HSPA12A: variants seen among roughly 807,000 people sequenced by gnomAD.
The protein encoded by HSPA12A is heat shock protein family A (Hsp70) member 12A.
A neutral mutation model predicts 69.2 loss-of-function variants in HSPA12A; 28 were observed. The ratio of observed to expected loss-of-function variants is 0.40; its 90% CI spans 0.30 to 0.55. HSPA12A has a LOEUF of 0.55. HSPA12A is among the 20% of genes least tolerant of loss of function. HSPA12A has a pLI of 0.38. For synonymous variants in HSPA12A, 345 were observed against 370.5 expected (o/e 0.93, Z 0.79); for missense variants, 686 against 900.7 (o/e 0.76, Z 3.05).
chr10:116,848,538 T>C (rs1564839971), intron 1 of HSPA12A, among the ~76,000 whole-genome samples: 1 of 152,040 alleles, frequency 6.6e-6, no homozygotes, highest in Admixed American at 6.6e-5. Flanking sequence ...TCTGCTTAGG[T>C]AGGAAACATA....
rs544698806 is a variant in HSPA12A, at chr10:116,675,742, G to A, written c.1391-324C>T. Among the ~76,000 whole-genome samples, 30 of 152,314 alleles carry A rather than the reference G, an allele frequency of 2.0e-4. No homozygotes were observed. The highest frequency in any genetic ancestry group is 7.2e-4 in the African/African-American group (30 of 41,582). Reference sequence around the variant, plus strand: ...CTCTCCAAACCTGTGGTTCTGTTGGGTAAGTCAAGGCAGGTTGTTATAAAT... The same window carrying A: ...CTCTCCAAACCTGTGGTTCTGTTGGATAAGTCAAGGCAGGTTGTTATAAAT... On this transcript the variant is annotated intron_variant, in intron 11 of 11. Transcript: ENST00000369209. This position sits in a 1 kb window ranked among gnomAD's most constrained non-coding sequence, Gnocchi z 5.2.
Position 116,849,478 on chromosome 10 carries a change from G to C in HSPA12A, c.3+88C>G, listed in dbSNP as rs1036462084. The C allele has an allele frequency of 6.3e-6, 9 of 1,419,350 alleles. No individual in the cohort carries two copies. The African/African-American group carries it at 1.2e-4, about 18-fold the overall frequency. The allele number at this position is 1,419,350 out of a possible 1,614,324, so 87.9% of individuals were successfully genotyped here. ...GGCCTGGAAGCCACGCGAGATCTGG[G>C]GGTCGGGATCACGTTGCGTTGCCTA... On this transcript the variant is annotated intron_variant, in intron 1 of 12. Coordinates refer to the HSPA12A transcript ENST00000635765.
At chr10:116,681,031 C>T in intron 9 of HSPA12A, 121 bp downstream of exon 9, 2 of 682,154 alleles carry the variant, frequency 2.9e-6, no homozygotes, top group Non-Finnish European at 5.3e-6. Flanking sequence ...CCTCCACCGC[C>T]TACGATCCCA....
chr10:116,837,606 A>G (rs1214850732), intron 1 of HSPA12A, among the ~76,000 whole-genome samples: 3 of 152,168 alleles, frequency 2.0e-5, no homozygotes, highest in Non-Finnish European at 4.4e-5. Flanking sequence ...TACAACTTCC[A>G]TAGCTGAACA....
intron 7 of HSPA12A, 29 bp downstream of exon 7, chr10:116,683,762 C>T (rs1554879040): frequency 1.0e-5 from 15 of 1,482,788 alleles, no homozygotes; most frequent in Non-Finnish European, 1.4e-5. Flanking sequence ...GGAAGGAGAG[C>T]AGGAGGGGGA....
chr10:116,741,002 G>A (rs1554887051), intron 1 of HSPA12A, among the ~76,000 whole-genome samples: 1 of 148,830 alleles, frequency 6.7e-6, no homozygotes, highest in South Asian at 2.1e-4. Context: ...CAATCCAGTT[G>A]CTGAGTGATG....
At chr10:116,724,241 A>T (rs934433542) in intron 1 of HSPA12A, among the ~76,000 whole-genome samples, 3 of 152,158 alleles carry the variant, frequency 2.0e-5, no homozygotes, top group Non-Finnish European at 4.4e-5. Context: ...GGGTTCAGAG[A>T]CCAGAAGGCC....
At chr10:116,740,676 CTGTGTGTGTGTGTGTGTGT>C (rs1851468919) in intron 1 of HSPA12A, among the ~76,000 whole-genome samples, 158 of 92,224 alleles carry the variant, frequency 1.7e-3, no homozygotes, top group Middle Eastern at 9.0e-3. Flanking sequence ...GTGTGTGTGT[CTGTGTGTGTGTGTGTGTGT>C]GCGTGTGTGT....
chr10:116,761,130 A>G (rs1179330837), intron 2 of HSPA12A, among the ~76,000 whole-genome samples: 2 of 152,120 alleles, frequency 1.3e-5, no homozygotes, highest in Non-Finnish European at 2.9e-5. Flanking sequence ...TGGGTGAGTC[A>G]CTTCAGCCTG....
chr10:116,682,542 G>A (rs1215995249), intron 7 of HSPA12A, among the ~76,000 whole-genome samples: 11 of 152,098 alleles, frequency 7.2e-5, no homozygotes, highest in Non-Finnish European at 1.6e-4. Context: ...AAACCCCTGT[G>A]CTGCCTTTTC....
chr10:116,680,846 C>T (rs949284777), intron 9 of HSPA12A, among the ~76,000 whole-genome samples: 5 of 152,206 alleles, frequency 3.3e-5, no homozygotes, highest in African/African-American at 9.7e-5. Context: ...CACCTTAGCA[C>T]GGTCATGGGC....
chr10:116,699,707 G>A (rs1346945758), intron 4 of HSPA12A, among the ~76,000 whole-genome samples: 11 of 152,144 alleles, frequency 7.2e-5, no homozygotes, highest in African/African-American at 2.7e-4. Flanking sequence ...CAGCTCCCAG[G>A]CTCAGAAAGG....
intron 1 of HSPA12A, among the ~76,000 whole-genome samples, chr10:116,734,146 C>T (rs1185003743): frequency 6.9e-6 from 1 of 145,438 alleles, no homozygotes; most frequent in Non-Finnish European, 1.5e-5. Context: ...GTGGTTCACA[C>T]CTGTAATCCC....
In HSPA12A at chr10:116,696,638, G is replaced by A. The variant is rs148514303; in HGVS notation, c.546+1997C>T. Among the ~76,000 whole-genome samples, 6 of 152,132 alleles carry A rather than the reference G, an allele frequency of 3.9e-5. No homozygotes were observed. The East Asian group carries it at 7.7e-4, about 20-fold the overall frequency. On this transcript the variant is annotated intron_variant, in intron 5 of 11. Transcript: ENST00000369209. ...TAATACAACACTCTACTACTATCCC[G>A]GTGGCCACGTCACTCATTCCCCCAC... is the stretch of plus-strand genomic sequence containing the variant.
intron 2 of HSPA12A, among the ~76,000 whole-genome samples, chr10:116,813,072 G>A (rs2133185961): frequency 6.6e-6 from 1 of 152,180 alleles, no homozygotes; most frequent in Admixed American, 6.5e-5. Flanking sequence ...TTAAAGTCCA[G>A]GACCTGCCAC....
intron 2 of HSPA12A, among the ~76,000 whole-genome samples, chr10:116,790,492 G>A (rs541176424): frequency 1.3e-5 from 2 of 152,080 alleles, no homozygotes; most frequent in Admixed American, 1.3e-4. Flanking sequence ...TGTTCCTGAC[G>A]CTCCCCGAAC....
At position 116,671,573 on chromosome 10, in the gene HSPA12A, A is replaced by C. The variant is rs1245535515; in HGVS notation, c.*3208T>G. The C allele has an allele frequency of 1.3e-5, 2 of 152,604 alleles. No individual in the cohort carries two copies. The highest frequency in any genetic ancestry group is 2.9e-5 in the Non-Finnish European group (2 of 68,042). 9.5% of individuals were successfully genotyped at this position (152,604 alleles called of 1,614,324 possible). ...AACCAGACCTGGACTCTAAAAGCTA[A>C]ACTTGGTCTAAATAACATTCTAAGG... On this transcript the variant is annotated 3_prime_UTR_variant, in exon 12 of 12. Transcript: ENST00000369209.
rs59929331 is a variant in HSPA12A, at chr10:116,781,301, G to GAA, written c.91+53632_91+53633dup. 2.3e-3 allele frequency among the ~76,000 whole-genome samples: 333 copies of GAA among 147,842 alleles called. 1 individual carries two copies. Among genetic ancestry groups the GAA allele is most frequent in the African/African-American group, 7.3e-3 (294 of 40,118 alleles). On this transcript the variant is annotated intron_variant, in intron 2 of 12. Transcript: ENST00000635765. ...AGACCCTGCCTCTTAAAAGAAAACA[G>GAA]AAAAAAAAAAATGGATTTCCTCTGG... is the stretch of plus-strand genomic sequence containing the variant.
At chr10:116,773,912 C>A (rs74979626) in intron 2 of HSPA12A, among the ~76,000 whole-genome samples, 7 of 152,154 alleles carry the variant, frequency 4.6e-5, no homozygotes, top group Admixed American at 3.9e-4. Flanking sequence ...GATAACTATG[C>A]CACCATTCAG....
Sources: gnomAD v4.1 joint callset for allele counts (sites outside exome capture counted in the v4.1 genomes callset) on GRCh38, gnomAD v4.1.1 for gene constraint, Gnocchi (gnomAD v3.1) non-coding constraint, MANE v1.5 for transcripts, NCBI Gene and HGNC (gene_info 2026-07-23, HGNC 2026-07-21) for gene names.